Variants in CTNNA2 observed in about 807,000 individuals in gnomAD.
The protein encoded by CTNNA2 is catenin alpha-2.
CTNNA2 carries 42 observed loss-of-function variants against 101.0 expected under a neutral mutation model. That is an observed-to-expected ratio of 0.42 (90% CI 0.32 to 0.54). The LOEUF is 0.54. CTNNA2 is among the 20% of genes least tolerant of loss of function. The pLI, the probability that CTNNA2 is intolerant of heterozygous loss-of-function variation, is 0.14. For synonymous variants in CTNNA2, 450 were observed against 456.4 expected (o/e 0.99, Z 0.18); for missense variants, 871 against 1,223.1 (o/e 0.71, Z 4.29).
intron 2 of CTNNA2, among the ~76,000 whole-genome samples, chr2:79,727,178 T>C (rs993341674): frequency 6.6e-6 from 1 of 152,264 alleles, no homozygotes; most frequent in Non-Finnish European, 1.5e-5. Flanking sequence ...GAATTATGCA[T>C]TGCTTAAAAC....
intron 9 of CTNNA2, among the ~76,000 whole-genome samples, chr2:80,481,734 C>A (rs768460776): frequency 6.0e-5 from 9 of 150,936 alleles, no homozygotes; most frequent in Admixed American, 6.6e-5. Context: ...ACTTGTTGAG[C>A]TTTTGCTTTG....
intron 7 of CTNNA2, among the ~76,000 whole-genome samples, chr2:80,162,050 T>C (rs1362408021): frequency 2.6e-5 from 4 of 152,162 alleles, no homozygotes; most frequent in Admixed American, 1.3e-4. Flanking sequence ...CATTTTTGAA[T>C]TAACTAAAAT....
intron 7 of CTNNA2, among the ~76,000 whole-genome samples, chr2:80,307,920 G>T (rs1441484590): frequency 1.3e-5 from 2 of 152,220 alleles, no homozygotes; most frequent in African/African-American, 4.8e-5. Context: ...GGAAGTCTGG[G>T]TTATATGAGT....
At chr2:80,262,749 C>T (rs550770751) in intron 7 of CTNNA2, among the ~76,000 whole-genome samples, 1 of 152,236 alleles carries the variant, frequency 6.6e-6, no homozygotes, top group Admixed American at 6.5e-5. Flanking sequence ...ATAGAAATAT[C>T]ATTGTCATCC....
At chr2:80,280,297 C>A (rs914378427) in intron 7 of CTNNA2, among the ~76,000 whole-genome samples, 3 of 150,156 alleles carry the variant, frequency 2.0e-5, no homozygotes, top group African/African-American at 7.3e-5. Flanking sequence ...TTCATTATTT[C>A]TTTTGCCAAC....
At chr2:80,084,144 T>C (rs1313405071) in intron 7 of CTNNA2, among the ~76,000 whole-genome samples, 1 of 152,130 alleles carries the variant, frequency 6.6e-6, no homozygotes, top group Non-Finnish European at 1.5e-5. Flanking sequence ...CCTTAATCTG[T>C]TGTTTGTAAT....
chr2:80,443,601 C>A (rs904997936), intron 9 of CTNNA2, among the ~76,000 whole-genome samples: 1 of 152,092 alleles, frequency 6.6e-6, no homozygotes, highest in African/African-American at 2.4e-5. Context: ...GTGTAGAATG[C>A]CCTGGAATTG....
chr2:80,022,549 G>C (rs575988357), intron 7 of CTNNA2, among the ~76,000 whole-genome samples: 19 of 152,134 alleles, frequency 1.2e-4, no homozygotes, highest in African/African-American at 4.3e-4. Flanking sequence ...GAGGATTGCT[G>C]GGGGCAGGAG....
chr2:79,683,175 G>T (rs1683702337), intron 2 of CTNNA2, among the ~76,000 whole-genome samples: 2 of 152,120 alleles, frequency 1.3e-5, no homozygotes, highest in Non-Finnish European at 2.9e-5. Context: ...TTAATACTGG[G>T]CCCATCCCCT....
intron 9 of CTNNA2, among the ~76,000 whole-genome samples, chr2:80,436,278 A>T (rs1050361668): frequency 6.6e-6 from 1 of 152,152 alleles, no homozygotes; most frequent in African/African-American, 2.4e-5. Flanking sequence ...TCATTGTTCT[A>T]TGTGTGCCCC....
chr2:79,264,416 A>AT (rs5832375), intron 2 of CTNNA2, among the ~76,000 whole-genome samples: 88,888 of 151,900 alleles, frequency 0.59, 26,246 homozygotes, highest in Non-Finnish European at 0.61. Flanking sequence ...GACATGGCTA[A>AT]TTTTTTTATA....
chr2:80,642,545 G>A (rs1573549352), intron 18 of CTNNA2, among the ~76,000 whole-genome samples: 1 of 151,410 alleles, frequency 6.6e-6, no homozygotes, highest in Non-Finnish European at 1.5e-5. Context: ...GGATAGACTG[G>A]AGGATAAAAA....
At chr2:79,259,975 A>G (rs978076572) in intron 2 of CTNNA2, among the ~76,000 whole-genome samples, 7 of 152,204 alleles carry the variant, frequency 4.6e-5, no homozygotes, top group African/African-American at 1.4e-4. Flanking sequence ...GAAAGTAAAG[A>G]TAGGAGCAGA....
At position 80,484,369 on chromosome 2, in the gene CTNNA2, T is replaced by C. The variant is rs114813508; in HGVS notation, c.1291-60613T>C. On this transcript the variant is annotated intron_variant, in intron 9 of 18. Transcript: ENST00000402739. ...ATAGTGTGTGTGCATTAGAGAGCTG[T>C]TGAATAAGTGAATATGGGCAGAATG... is the stretch of plus-strand genomic sequence containing the variant. 2.2e-3 allele frequency among the ~76,000 whole-genome samples: 330 copies of C among 152,260 alleles called. 2 individuals are homozygous for C. The highest frequency in any genetic ancestry group is 7.2e-3 in the African/African-American group (301 of 41,544).
intron 18 of CTNNA2, among the ~76,000 whole-genome samples, chr2:80,628,628 C>G (rs1264837982): frequency 1.3e-5 from 2 of 151,984 alleles, no homozygotes; most frequent in Non-Finnish European, 2.9e-5. Flanking sequence ...AAACTCAATA[C>G]TCATATTTAG....
intron 9 of CTNNA2, among the ~76,000 whole-genome samples, chr2:80,446,940 G>T (rs534230679): frequency 1.1e-4 from 17 of 151,930 alleles, no homozygotes; most frequent in African/African-American, 4.1e-4. Context: ...AAAAAAGAAG[G>T]CAAATGTATT....
At chr2:80,020,782 A>G (rs1013521853) in intron 7 of CTNNA2, among the ~76,000 whole-genome samples, 1 of 152,092 alleles carries the variant, frequency 6.6e-6, no homozygotes, top group African/African-American at 2.4e-5. Context: ...TGCATGCACA[A>G]TTAATCTACT....
intron 7 of CTNNA2, chr2:80,288,870 C>A (rs892474782): frequency 1.3e-5 from 2 of 152,222 alleles, no homozygotes; most frequent in Non-Finnish European, 2.9e-5. Flanking sequence ...TGGAGCTCAG[C>A]AGGCTGCTCG....
At chr2:79,974,265 G>A (rs1690686834) in intron 7 of CTNNA2, among the ~76,000 whole-genome samples, 1 of 152,084 alleles carries the variant, frequency 6.6e-6, no homozygotes, top group Non-Finnish European at 1.5e-5. Context: ...TATGAGAAGT[G>A]GAGCTAAAGA....
Sources: gnomAD v4.1 joint callset for allele counts (sites outside exome capture counted in the v4.1 genomes callset) on GRCh38, gnomAD v4.1.1 for gene constraint, MANE v1.5 for transcripts, NCBI Gene and HGNC (gene_info 2026-07-23, HGNC 2026-07-21) for gene names.